The following CTBP2 variants were observed in gnomAD, a reference collection of about 807,000 sequenced individuals.
CTBP2 encodes the protein C-terminal-binding protein 2.
CTBP2 carries 30 observed loss-of-function variants against 80.3 expected under a neutral mutation model. That is an observed-to-expected ratio of 0.37 (90% confidence interval 0.28 to 0.51). The LOEUF (loss-of-function observed/expected upper bound fraction) is 0.51, where lower values mean the gene tolerates loss of function less well. CTBP2 is among the 20% of genes least tolerant of loss of function. The pLI, the probability that CTBP2 is intolerant of heterozygous loss-of-function variation, is 0.93. For synonymous variants in CTBP2, 594 were observed against 587.4 expected, an observed-to-expected ratio of 1.01 and a Z score of -0.16; for missense variants, 1,212 against 1,375.3, an observed-to-expected ratio of 0.88 and a Z score of 1.88.
intron 1 of CTBP2, among the ~76,000 whole-genome samples, chr10:125,013,276 CTTTA>C (rs1956126337): frequency 7.9e-5 from 12 of 152,248 alleles, no homozygotes; most frequent in African/African-American, 2.9e-4. Flanking sequence ...GATACCCCTA[CTTTA>C]CATATCCCAT....
intron 3 of CTBP2, chr10:124,999,762 C>T (rs1275931675): frequency 6.6e-6 from 1 of 152,258 alleles, no homozygotes; most frequent in East Asian, 1.9e-4. Context: ...GAAGCTGGGG[C>T]TTGATCACAT....
chr10:125,005,456 C>A, intron 1 of CTBP2: 1 of 1,308,234 alleles, frequency 7.6e-7, no homozygotes, highest in Non-Finnish European at 1.1e-6. Context: ...CCGCATGGAT[C>A]CGCACTCCAA....
intron 2 of CTBP2, among the ~76,000 whole-genome samples, chr10:125,091,086 A>C (rs1035158848): frequency 5.3e-5 from 8 of 152,208 alleles, no homozygotes; most frequent in African/African-American, 1.9e-4. Flanking sequence ...AAAACAAAGG[A>C]TATGACTTAA....
At chr10:125,041,357 A>G (rs1291138357) in intron 2 of CTBP2, among the ~76,000 whole-genome samples, 1 of 152,212 alleles carries the variant, frequency 6.6e-6, no homozygotes, top group African/African-American at 2.4e-5. Context: ...TGCTGGGATT[A>G]CAGGTGTGAG....
chr10:125,059,141 G>A (rs1964500872), intron 2 of CTBP2, among the ~76,000 whole-genome samples: 1 of 152,168 alleles, frequency 6.6e-6, no homozygotes, highest in African/African-American at 2.4e-5. Context: ...TGTGGGCGGT[G>A]GGGGTGGGAG....
intron 2 of CTBP2, among the ~76,000 whole-genome samples, chr10:125,069,355 C>T (rs7080718): frequency 0.35 from 54,016 of 152,170 alleles, 10,350 homozygotes; most frequent in Middle Eastern, 0.48. Context: ...CGGTGGCTCA[C>T]ACCCGTTATC....
upstream of CTBP2, among the ~76,000 whole-genome samples, chr10:125,028,988 C>T (rs960052358): frequency 6.6e-6 from 1 of 152,166 alleles, no homozygotes; most frequent in Non-Finnish European, 1.5e-5. Context: ...AAGCAACATC[C>T]CAGACTAACA....
At position 125,071,439 on chromosome 10, in the gene CTBP2, T is replaced by A. The variant is rs190366482; in HGVS notation, c.-101-32284A>T. ...AAATTGGTCATTGGTACAGTGAGCC[T>A]GAGCCCAAGTGGGACAGGAAATTAA... is the stretch of plus-strand genomic sequence containing the variant. On this transcript the variant is annotated intron_variant, in intron 2 of 10. Transcript: ENST00000337195. Among the ~76,000 whole-genome samples, 4 of 152,364 alleles carry A rather than the reference T, an allele frequency of 2.6e-5. No individual in the cohort carries two copies. The East Asian group carries it at 7.7e-4, about 29-fold the overall frequency.
chr10:125,154,730 G>C (rs914694908), intron 1 of CTBP2, among the ~76,000 whole-genome samples: 7 of 152,310 alleles, frequency 4.6e-5, no homozygotes, highest in African/African-American at 1.7e-4. Flanking sequence ...TTAAGGTGAG[G>C]GTTAGAAAGT....
At chr10:125,149,188 C>T (rs753730531) in intron 1 of CTBP2, among the ~76,000 whole-genome samples, 4 of 152,190 alleles carry the variant, frequency 2.6e-5, no homozygotes, top group Admixed American at 2.0e-4. Context: ...GCCCGGCTCA[C>T]AGGAAATGAC....
At position 124,984,749 on chromosome 10, in the gene CTBP2, C is replaced by G. The variant is rs1951995676; in HGVS notation, c.*4769G>C. On this transcript the variant is annotated 3_prime_UTR_variant, in exon 9 of 9. Coordinates refer to ENST00000309035, the MANE Select transcript of CTBP2 (RefSeq NM_022802.3). ...TCTCTGATCTGTTGTATGATTTTCC[C>G]TTTGTCTTCATATTCCTCCAAAAGC... is the stretch of plus-strand genomic sequence containing the variant. The G allele has an allele frequency of 6.2e-7, 1 of 1,606,774 alleles. No homozygotes were observed. Among genetic ancestry groups the G allele is most frequent in the African/African-American group, 1.3e-5 (1 of 74,702 alleles).
At chr10:125,154,474 A>C (rs1286687468) in intron 1 of CTBP2, among the ~76,000 whole-genome samples, 1 of 152,244 alleles carries the variant, frequency 6.6e-6, no homozygotes, top group Non-Finnish European at 1.5e-5. Context: ...TGTCCCATTC[A>C]TAAGATCCCA....
At chr10:125,127,911 G>A (rs891781831) in intron 1 of CTBP2, among the ~76,000 whole-genome samples, 1 of 152,120 alleles carries the variant, frequency 6.6e-6, no homozygotes, top group South Asian at 2.1e-4. Flanking sequence ...CCCTATTACG[G>A]CATCCTATTT....
chr10:125,065,484 A>C (rs933532800), intron 2 of CTBP2, among the ~76,000 whole-genome samples: 3 of 152,180 alleles, frequency 2.0e-5, no homozygotes, highest in Non-Finnish European at 4.4e-5. Flanking sequence ...GGGGAAGGCG[A>C]GGTGGCGAAG....
At chr10:125,014,264 C>T (rs1278296844) in intron 1 of CTBP2, among the ~76,000 whole-genome samples, 1 of 152,188 alleles carries the variant, frequency 6.6e-6, no homozygotes, top group Non-Finnish European at 1.5e-5. Flanking sequence ...AAACCTTGTC[C>T]TAACCTGGAC....
chr10:125,155,766 G>A (rs1469346535), intron 1 of CTBP2, among the ~76,000 whole-genome samples: 2 of 151,912 alleles, frequency 1.3e-5, no homozygotes, highest in Non-Finnish European at 2.9e-5. Context: ...TTCAAAAGAT[G>A]AGGTGGGGAG....
chr10:125,072,051 T>G (rs1288571813), intron 2 of CTBP2, among the ~76,000 whole-genome samples: 1 of 152,166 alleles, frequency 6.6e-6, no homozygotes, highest in Non-Finnish European at 1.5e-5. Context: ...TGGGCTTTTC[T>G]GGCCAGAACA....
chr10:125,007,258 C>T (rs376865818), intron 1 of CTBP2, among the ~76,000 whole-genome samples: 4 of 152,252 alleles, frequency 2.6e-5, no homozygotes, highest in African/African-American at 9.6e-5. Context: ...GTATCAATTA[C>T]TATCTGGTTT....
At chr10:125,030,181 CTT>C (rs34034620), upstream of CTBP2, among the ~76,000 whole-genome samples, 13,339 of 151,890 alleles carry the variant, frequency 0.088, 882 homozygotes, top group African/African-American at 0.18. Flanking sequence ...ACACTCCAGT[CTT>C]TTAGAAAGGA....
Sources: allele counts gnomAD v4.1 joint callset (sites outside exome capture counted in the v4.1 genomes callset), GRCh38; gene constraint gnomAD v4.1.1; transcripts MANE v1.5; gene names NCBI Gene and HGNC (gene_info 2026-07-23, HGNC 2026-07-21).